The following NEK5 variants were observed in gnomAD, a reference collection of about 807,000 sequenced individuals.
NEK5 encodes the protein NIMA related kinase 5.
A neutral mutation model predicts 109.2 loss-of-function variants in NEK5; 88 were observed. The ratio of observed to expected loss-of-function variants is 0.81; its 90% CI spans 0.68 to 0.96. The LOEUF is 0.96. NEK5 is among the 40% of genes least tolerant of loss of function. The pLI is 0.00. For synonymous variants in NEK5, 283 were observed against 299.9 expected (o/e 0.94, Z 0.58); for missense variants, 834 against 920.7 (o/e 0.91, Z 1.22).
In NEK5 at chr13:52,113,690, AAT is replaced by A. The variant is rs1404203753; in HGVS notation, c.215-1327_215-1326del. Among the ~76,000 whole-genome samples the A allele has an allele frequency of 3.9e-5, 6 of 152,172 alleles. No individual in the cohort carries two copies. The East Asian group carries it at 1.2e-3, about 29-fold the overall frequency. Reference sequence around the variant, plus strand: ...GGATGATTATGTCTTCTTATGTTAAAATATGTCTGTATAATTGCTAGGATCCA... The same window carrying A: ...GGATGATTATGTCTTCTTATGTTAAAATGTCTGTATAATTGCTAGGATCCA... On this transcript the variant is annotated intron_variant, in intron 4 of 23. Coordinates refer to ENST00000684899, the MANE Select transcript of NEK5 (RefSeq NM_001365552.1).
chr13:52,112,249 G>C lies in NEK5; in HGVS notation c.312+19C>G. 1 of 1,447,082 alleles carries C rather than the reference G, an allele frequency of 6.9e-7. No individual in the cohort carries two copies. Among genetic ancestry groups the C allele is most frequent in the Middle Eastern group, 1.7e-4 (1 of 5,724 alleles). The allele number at this position is 1,447,082 out of a possible 1,614,324, so 89.6% of individuals were successfully genotyped here. On this transcript the variant is annotated intron_variant, in intron 5 of 23. Transcript: ENST00000684899. ...CACCACACATACATAAAATTAAAAA[G>C]CAAATTAGAAGTTTTTACCTGATCT... is the stretch of plus-strand genomic sequence containing the variant.
At chr13:52,078,060 G>A (rs2137827607) in intron 17 of NEK5, among the ~76,000 whole-genome samples, 1 of 150,966 alleles carries the variant, frequency 6.6e-6, no homozygotes, top group African/African-American at 2.4e-5. Flanking sequence ...GGCAACAAGG[G>A]CGAAACTTGT....
chr13:52,088,100 G>GT (rs770940441), intron 14 of NEK5, among the ~76,000 whole-genome samples: 255 of 150,320 alleles, frequency 1.7e-3, no homozygotes, highest in Non-Finnish European at 2.9e-3. Context: ...GGTAATTTTT[G>GT]TTTTTTTTGG....
intron 19 of NEK5, 68 bp from the exon 20 acceptor site, chr13:52,072,138 C>T (rs754576170): frequency 2.1e-5 from 28 of 1,315,738 alleles, no homozygotes; most frequent in African/African-American, 4.4e-5. Flanking sequence ...ACCATATTTT[C>T]GTGTTCCTAG....
intron 23 of NEK5, among the ~76,000 whole-genome samples, chr13:52,042,007 A>G (rs904434253): frequency 1.3e-5 from 2 of 152,000 alleles, no homozygotes; most frequent in African/African-American, 4.8e-5. Flanking sequence ...AATGTAAGGA[A>G]TTAAAAAAAT....
intron 22 of NEK5, among the ~76,000 whole-genome samples, chr13:52,053,118 T>C (rs1373032354): frequency 6.6e-6 from 1 of 152,056 alleles, no homozygotes; most frequent in East Asian, 1.9e-4. Flanking sequence ...CTGGCCAACA[T>C]GGTGAAACCC....
At chr13:52,084,767 GT>G (rs1237701935) in intron 16 of NEK5, among the ~76,000 whole-genome samples, 2 of 42,096 alleles carry the variant, frequency 4.8e-5, no homozygotes, top group African/African-American at 7.1e-5. Flanking sequence ...GAGAGAGTGT[GT>G]GTGTGTGTGT....
At chr13:52,107,350 T>C (rs1032226360) in intron 8 of NEK5, among the ~76,000 whole-genome samples, 2 of 151,984 alleles carry the variant, frequency 1.3e-5, no homozygotes, top group Non-Finnish European at 2.9e-5. Flanking sequence ...CTCAACACTT[T>C]GGGAGGCTGA....
chr13:52,125,542 G>A (rs1310477467), intron 3 of NEK5, among the ~76,000 whole-genome samples: 6 of 152,174 alleles, frequency 3.9e-5, no homozygotes, highest in Non-Finnish European at 8.8e-5. Context: ...CAGCCTGGGC[G>A]ACAGAGCGAG....
chr13:52,120,066 C>A (rs1955939263), intron 3 of NEK5, among the ~76,000 whole-genome samples: 1 of 152,174 alleles, frequency 6.6e-6, no homozygotes, highest in African/African-American at 2.4e-5. Context: ...TGACTTCCAG[C>A]CCCTGACTGC....
chr13:52,077,115 AT>A (rs1954883356), intron 17 of NEK5, among the ~76,000 whole-genome samples: 1 of 152,138 alleles, frequency 6.6e-6, no homozygotes, highest in Non-Finnish European at 1.5e-5. Context: ...TGGGGAGAGC[AT>A]TTTCCATGCA....
At chr13:52,049,805 A>C (rs1007294717) in intron 23 of NEK5, among the ~76,000 whole-genome samples, 20 of 152,344 alleles carry the variant, frequency 1.3e-4, no homozygotes, top group African/African-American at 4.6e-4. Flanking sequence ...AATGGGCAAC[A>C]ATAGTTAAGA....
At position 52,102,120 on chromosome 13, in the gene NEK5, T is replaced by C. The variant is rs757749381; in HGVS notation, c.782A>G (p.Asn261Ser). The C allele has an allele frequency of 6.8e-6, 11 of 1,613,892 alleles. No individual in the cohort carries two copies. Among genetic ancestry groups the C allele is most frequent in the Non-Finnish European group, 9.3e-6 (11 of 1,179,928 alleles). ...AGGAGTCAAATATTTGGGAATAAGATTCTCTAAAAAGGGCCTTTTCAAAAT... is the reference window on the plus strand; with the variant it reads ...AGGAGTCAAATATTTGGGAATAAGACTCTCTAAAAAGGGCCTTTTCAAAAT... Reference protein sequence around the residue: ...NSILKRPFLENLIPKYLTPEV... With the variant: ...NSILKRPFLESLIPKYLTPEV... The change falls in exon 10 of 24, where the codon AAT (asparagine) becomes AGT (serine). Residue 261 changes from asparagine to serine, a missense_variant. Physicochemically the swap from Asn to Ser is conservative, Grantham distance 46. This residue lies in a region of NEK5 where 777 missense variants were observed against 824.7 expected (regional missense o/e 0.94). Transcript: ENST00000684899.
intron 23 of NEK5, among the ~76,000 whole-genome samples, chr13:52,049,594 T>C (rs1954486747): frequency 6.6e-6 from 1 of 152,014 alleles, no homozygotes; most frequent in Non-Finnish European, 1.5e-5. Flanking sequence ...ATCTTTTGGC[T>C]TCCCTGGCAC....
rs5803594 is a variant in NEK5 at position 52,105,238 on chromosome 13, A to AGTGTGT, written c.555-692_555-687dup. ...CTCTAGCAGCAATGCTTTGTGCATG[A>AGTGTGT]GTGTGTGTGTGTGTGTGTGTGTGTG... On this transcript the variant is annotated intron_variant, in intron 8 of 23. Transcript: ENST00000684899. Among the ~76,000 whole-genome samples, 1,358 of 148,228 alleles carry AGTGTGT rather than the reference A, an allele frequency of 9.2e-3. 9 individuals are homozygous for AGTGTGT. The highest frequency in any genetic ancestry group is 0.017 in the African/African-American group (663 of 39,798).
chr13:52,044,140 T>TA (rs1449346728), intron 23 of NEK5, among the ~76,000 whole-genome samples: 1 of 152,234 alleles, frequency 6.6e-6, no homozygotes, highest in Non-Finnish European at 1.5e-5. Flanking sequence ...CTTTCTCCTA[T>TA]GCTGGATGCT....
intron 7 of NEK5, among the ~76,000 whole-genome samples, chr13:52,109,980 C>T (rs977519303): frequency 6.6e-6 from 1 of 152,150 alleles, no homozygotes; most frequent in African/African-American, 2.4e-5. Context: ...GACCTTTGGT[C>T]ACTCGTATTT....
intron 23 of NEK5, among the ~76,000 whole-genome samples, chr13:52,046,663 C>G (rs1359304209): frequency 1.3e-5 from 2 of 151,308 alleles, no homozygotes; most frequent in Non-Finnish European, 2.9e-5. Context: ...CCCAGGAGGT[C>G]GAGGCTGCAG....
At chr13:52,057,213 T>G (rs887871054) in intron 22 of NEK5, among the ~76,000 whole-genome samples, 1 of 152,082 alleles carries the variant, frequency 6.6e-6, no homozygotes, top group Non-Finnish European at 1.5e-5. Flanking sequence ...ATGGATAAAT[T>G]CCTCGACACA....
Sources: gnomAD v4.1 joint callset for allele counts (sites outside exome capture counted in the v4.1 genomes callset) on GRCh38, gnomAD v4.1.1 for gene constraint, gnomAD v4.1.1 regional missense constraint, MANE v1.5 for transcripts, NCBI Gene and HGNC (gene_info 2026-07-23, HGNC 2026-07-21) for gene names.